GLI3: variants seen among roughly 807,000 people sequenced by gnomAD.
The protein encoded by GLI3 is GLI family zinc finger 3, also known as transcription activator GLI3.
Under a neutral mutation model 100.8 loss-of-function variants are expected in GLI3, and 20 were observed. The observed-to-expected ratio is 0.20, with a 90% CI of 0.14 to 0.29. GLI3 has a LOEUF of 0.29. GLI3 is among the 10% of genes least tolerant of loss of function. The pLI, the probability that GLI3 is intolerant of heterozygous loss-of-function variation, is 1.00. For synonymous variants in GLI3, 938 were observed against 860.5 expected (o/e 1.09, Z -1.58); for missense variants, 2,040 against 2,128.5 (o/e 0.96, Z 0.82).
chr7:41,996,708 G>A (rs1788135184), intron 10 of GLI3, among the ~76,000 whole-genome samples: 1 of 152,260 alleles, frequency 6.6e-6, no homozygotes, highest in Admixed American at 6.5e-5. Flanking sequence ...ATTGTAATAT[G>A]TATATATAAT....
In GLI3 at chr7:42,198,224, A is replaced by G. The variant is rs575090641; in HGVS notation, c.124+24906T>C. Among the ~76,000 whole-genome samples the G allele has an allele frequency of 2.0e-5, 3 of 152,342 alleles. No homozygotes were observed. The South Asian group carries it at 6.2e-4, about 32-fold the overall frequency. The stretch of plus-strand genomic sequence containing the variant: ...TGGTTCTTACATTCTGCACAGAGAC[A>G]GAAAGTAAACACGCAAATGTGCAAA... On this transcript the variant is annotated intron_variant, in intron 2 of 14. Transcript: ENST00000395925.
chr7:42,169,490 T>C (rs17753653), intron 2 of GLI3, among the ~76,000 whole-genome samples: 21,849 of 152,212 alleles, frequency 0.14, 1,975 homozygotes, highest in Non-Finnish European at 0.2. Context: ...GAGCATGCAC[T>C]GTTATTAGCA....
intron 2 of GLI3, among the ~76,000 whole-genome samples, chr7:42,220,362 G>A (rs1305223542): frequency 6.6e-6 from 1 of 152,168 alleles, no homozygotes; most frequent in Non-Finnish European, 1.5e-5. Context: ...AAGATAGGAA[G>A]AGGGACAGAG....
intron 3 of GLI3, among the ~76,000 whole-genome samples, chr7:42,144,990 G>T (rs1043971074): frequency 6.6e-6 from 1 of 152,160 alleles, no homozygotes; most frequent in African/African-American, 2.4e-5. Flanking sequence ...CAGGGCCCAC[G>T]ACTGAGACAA....
intron 3 of GLI3, among the ~76,000 whole-genome samples, chr7:42,135,231 C>G (rs1786397867): frequency 6.6e-6 from 1 of 152,066 alleles, no homozygotes; most frequent in Non-Finnish European, 1.5e-5. Context: ...GTTGGGGAAC[C>G]AGTAAAAAAA....
chr7:42,236,689 C>A (rs1788805638), intron 1 of GLI3, among the ~76,000 whole-genome samples: 1 of 152,216 alleles, frequency 6.6e-6, no homozygotes, highest in Non-Finnish European at 1.5e-5. Context: ...GCCACCACTG[C>A]GGCAAACTTC....
At chr7:42,212,925 C>T (rs559288453) in intron 2 of GLI3, among the ~76,000 whole-genome samples, 123 of 152,346 alleles carry the variant, frequency 8.1e-4, no homozygotes, top group Admixed American at 1.2e-3. Flanking sequence ...CTCATTAAAT[C>T]CAAACCTAAT....
chr7:42,190,231 C>A (rs1012921053), intron 2 of GLI3, among the ~76,000 whole-genome samples: 1 of 151,318 alleles, frequency 6.6e-6, no homozygotes, highest in East Asian at 1.9e-4. Flanking sequence ...AAGTTATGAT[C>A]TGGAAAAAAT....
chr7:42,000,400 A>C (rs1469504459), intron 10 of GLI3, among the ~76,000 whole-genome samples: 1 of 152,200 alleles, frequency 6.6e-6, no homozygotes, highest in African/African-American at 2.4e-5. Flanking sequence ...ACAACCTAAA[A>C]ATGTTTGCGA....
At chr7:42,119,554 C>T (rs569503063) in intron 3 of GLI3, among the ~76,000 whole-genome samples, 8 of 152,282 alleles carry the variant, frequency 5.3e-5, no homozygotes, top group East Asian at 3.9e-4. Flanking sequence ...CTTGTTATAT[C>T]AGCTGGGTCC....
At chr7:42,190,074 AAAT>A (rs1033421070) in intron 2 of GLI3, among the ~76,000 whole-genome samples, 104 of 152,098 alleles carry the variant, frequency 6.8e-4, no homozygotes, top group African/African-American at 2.4e-3. Flanking sequence ...TAACATTTGC[AAAT>A]AATATTACCA....
intron 3 of GLI3, among the ~76,000 whole-genome samples, chr7:42,114,506 A>G (rs1785799026): frequency 6.6e-6 from 1 of 152,002 alleles, no homozygotes; most frequent in African/African-American, 2.4e-5. Flanking sequence ...TGAATTGGTT[A>G]TTAGGGTAAA....
chr7:42,047,715 C>T (rs1021843585), intron 5 of GLI3, among the ~76,000 whole-genome samples: 2 of 152,312 alleles, frequency 1.3e-5, no homozygotes, highest in East Asian at 1.9e-4. Flanking sequence ...AACAGGAATT[C>T]GATCCTTAAG....
intron 3 of GLI3, among the ~76,000 whole-genome samples, chr7:42,130,130 G>A (rs537249182): frequency 7.9e-5 from 12 of 152,188 alleles, no homozygotes; most frequent in African/African-American, 2.2e-4. Context: ...AAGCCATACC[G>A]GTTCTTATAG....
intron 3 of GLI3, among the ~76,000 whole-genome samples, chr7:42,096,208 C>CTGTT (rs1218662168): frequency 2.0e-5 from 3 of 152,130 alleles, no homozygotes; most frequent in African/African-American, 7.2e-5. Flanking sequence ...TGTTTTGACT[C>CTGTT]TGTTTGTTTA....
chr7:42,222,985 C>T (rs945801236), intron 2 of GLI3, 145 bp downstream of exon 2: 14 of 916,288 alleles, frequency 1.5e-5, no homozygotes, highest in Non-Finnish European at 2.3e-5. Context: ...GTCCCCCCGC[C>T]GTCCCCCCGC....
intron 2 of GLI3, among the ~76,000 whole-genome samples, chr7:42,207,614 GA>G (rs1164849673): frequency 6.6e-6 from 1 of 151,696 alleles, no homozygotes; most frequent in East Asian, 1.9e-4. Context: ...ATTCACAATT[GA>G]AAAAAAATGT....
intron 3 of GLI3, 42 bp from the exon 4 acceptor site, chr7:42,076,899 T>C: frequency 8.7e-7 from 1 of 1,153,294 alleles, no homozygotes; most frequent in South Asian, 1.2e-5. Flanking sequence ...AATGAACACT[T>C]TCAAACAGCA....
intron 4 of GLI3, among the ~76,000 whole-genome samples, chr7:42,070,206 C>T (rs1198373817): frequency 6.6e-6 from 1 of 152,224 alleles, no homozygotes; most frequent in Non-Finnish European, 1.5e-5. Context: ...TAGTGTCATA[C>T]ATTCTACAGC....
Sources: gnomAD v4.1 joint callset for allele counts (sites outside exome capture counted in the v4.1 genomes callset) on GRCh38, gnomAD v4.1.1 for gene constraint, MANE v1.5 for transcripts, NCBI Gene and HGNC (gene_info 2026-07-23, HGNC 2026-07-21) for gene names.